PAK3: variants seen among roughly 807,000 people sequenced by gnomAD.
PAK3 encodes the protein serine/threonine-protein kinase PAK 3.
In PAK3, 4 loss-of-function variants were observed where a neutral mutation model predicts 41.0. The ratio of observed to expected loss-of-function variants is 0.10; its 90% CI spans 0.05 to 0.22. PAK3 has a LOEUF of 0.22. Ranked by LOEUF, PAK3 falls within the 10% of genes least tolerant of loss-of-function variation. The probability of loss-of-function intolerance (pLI) is 1.00; values close to 1 mark genes in which losing one functional copy is unlikely to be tolerated. For synonymous variants in PAK3, 146 were observed against 139.6 expected (o/e 1.05, Z -0.32); for missense variants, 205 against 409.9 (o/e 0.50, Z 4.32).
chrX:110,951,775 C>T (rs1569495511), intron 1 of PAK3, among the ~76,000 whole-genome samples: 1 of 112,462 alleles, frequency 8.9e-6, no homozygotes. Context: ...CGTTTTCCAA[C>T]GTTAAATCAC....
intron 10 of PAK3, among the ~76,000 whole-genome samples, chrX:111,165,359 A>G (rs746687352): frequency 2.7e-5 from 3 of 111,897 alleles, no homozygotes; most frequent in Non-Finnish European, 5.6e-5. Context: ...CTTTACATAC[A>G]TTATCATAGT....
intron 1 of PAK3, among the ~76,000 whole-genome samples, chrX:110,947,845 TC>T (rs1397642689): frequency 9.0e-6 from 1 of 111,492 alleles, no homozygotes; most frequent in Non-Finnish European, 1.9e-5. Context: ...GCTTTACCCC[TC>T]CAGGCTTTCC....
At chrX:111,046,286 G>T (rs1188879369) in intron 1 of PAK3, among the ~76,000 whole-genome samples, 1 of 111,422 alleles carries the variant, frequency 9.0e-6, no homozygotes, top group Non-Finnish European at 1.9e-5. Context: ...GTTGTTGTTT[G>T]TTTGTTTGTT....
chrX:111,017,267 A>G (rs1260046228), intron 1 of PAK3, among the ~76,000 whole-genome samples: 2 of 111,289 alleles, frequency 1.8e-5, no homozygotes, highest in East Asian at 5.6e-4. Context: ...AAAATAAATA[A>G]AATAGAATAA....
intron 1 of PAK3, among the ~76,000 whole-genome samples, chrX:111,014,561 A>T (rs2092059999): frequency 9.0e-6 from 1 of 110,852 alleles, no homozygotes. Flanking sequence ...GCCATTCAAG[A>T]CTGCACTAAC....
rs1021678972 is a variant in PAK3, at chrX:111,216,144, A to G, written c.1408-277A>G. 1.2e-4 allele frequency among the ~76,000 whole-genome samples: 13 copies of G among 112,033 alleles called. 1 individual carries two copies. Among genetic ancestry groups the G allele is most frequent in the Admixed American group, 8.5e-4 (9 of 10,546 alleles). Reference sequence around the variant, plus strand: ...CTAGATACTTAATCACATATTCGTTATATGTGGGTTTTTACTGGCTTAACT... The same window carrying G: ...CTAGATACTTAATCACATATTCGTTGTATGTGGGTTTTTACTGGCTTAACT... On this transcript the variant is annotated intron_variant, in intron 16 of 17. Coordinates refer to ENST00000372007, the MANE Select transcript of PAK3 (RefSeq NM_002578.5).
chrX:110,956,008 A>T (rs1220346959), intron 1 of PAK3, among the ~76,000 whole-genome samples: 1 of 112,239 alleles, frequency 8.9e-6, no homozygotes, highest in Non-Finnish European at 1.9e-5. Context: ...TTAACCACCT[A>T]ACTGCCTTGG....
At chrX:110,946,291 T>A (rs529216430) in intron 1 of PAK3, among the ~76,000 whole-genome samples, 1 of 110,223 alleles carries the variant, frequency 9.1e-6, no homozygotes, top group South Asian at 3.9e-4. Flanking sequence ...TCCTTGGAAG[T>A]GTGACTGCCA....
intron 5 of PAK3, among the ~76,000 whole-genome samples, chrX:111,133,522 T>A (rs1470415389): frequency 2.7e-5 from 3 of 112,209 alleles, no homozygotes; most frequent in African/African-American, 9.7e-5. Context: ...AAGTTCAGAA[T>A]ATTACTGAAG....
intron 1 of PAK3, among the ~76,000 whole-genome samples, chrX:110,981,681 A>G (rs1278044840): frequency 9.0e-6 from 1 of 110,628 alleles, no homozygotes; most frequent in African/African-American, 3.3e-5. Context: ...TTCTACTAAC[A>G]GAGCTTCAGA....
chrX:110,995,223 G>A (rs919629567), intron 1 of PAK3, among the ~76,000 whole-genome samples: 3 of 110,942 alleles, frequency 2.7e-5, no homozygotes, highest in African/African-American at 9.9e-5. Context: ...TGCCGTCAGC[G>A]AATGCCACCA....
intron 6 of PAK3, among the ~76,000 whole-genome samples, 184 bp downstream of exon 6, chrX:111,142,380 T>G (rs1020205027): frequency 5.3e-5 from 6 of 112,718 alleles, no homozygotes; most frequent in African/African-American, 1.9e-4. Context: ...TTGACCAAAT[T>G]ATTTTGTCCA....
chrX:110,984,971 A>C (rs2091516885), intron 1 of PAK3, among the ~76,000 whole-genome samples: 1 of 111,143 alleles, frequency 9.0e-6, no homozygotes, highest in African/African-American at 3.3e-5. Context: ...TCTACTAAAA[A>C]TACAAAAATT....
intron 1 of PAK3, among the ~76,000 whole-genome samples, chrX:110,966,013 G>C (rs757773636): frequency 8.9e-6 from 1 of 112,258 alleles, no homozygotes; most frequent in Non-Finnish European, 1.9e-5. Flanking sequence ...AAAGTGGAGT[G>C]AGCACAGTGC....
intron 1 of PAK3, among the ~76,000 whole-genome samples, chrX:110,979,301 T>C (rs113814126): frequency 1.1e-5 from 1 of 92,256 alleles, no homozygotes; most frequent in African/African-American, 4.0e-5. Context: ...CTTTTCTTTT[T>C]TTTTTTTTTT....
intron 16 of PAK3, among the ~76,000 whole-genome samples, chrX:111,207,253 T>C (rs2094763888): frequency 9.2e-6 from 1 of 109,216 alleles, no homozygotes; most frequent in Non-Finnish European, 1.9e-5. Flanking sequence ...TACATATATA[T>C]ACACACACAC....
chrX:111,203,290 T>C (rs891510894), intron 16 of PAK3, among the ~76,000 whole-genome samples: 2 of 112,281 alleles, frequency 1.8e-5, no homozygotes, highest in Non-Finnish European at 3.8e-5. Flanking sequence ...CCTGATGTGC[T>C]TTATGTCATT....
intron 1 of PAK3, among the ~76,000 whole-genome samples, chrX:111,051,531 T>C (rs1333914011): frequency 8.9e-6 from 1 of 111,947 alleles, no homozygotes; most frequent in Non-Finnish European, 1.9e-5. Flanking sequence ...CATTTCGAGA[T>C]GTTTTTTCTC....
chrX:110,959,940 T>C (rs760297694), intron 1 of PAK3, among the ~76,000 whole-genome samples: 3 of 112,245 alleles, frequency 2.7e-5, no homozygotes, highest in East Asian at 2.8e-4. Context: ...ACATCAATGC[T>C]CCCTGTAAGT....
Sources: allele counts gnomAD v4.1 joint callset (sites outside exome capture counted in the v4.1 genomes callset), GRCh38; gene constraint gnomAD v4.1.1; transcripts MANE v1.5; gene names NCBI Gene and HGNC (gene_info 2026-07-23, HGNC 2026-07-21).